The following PRKAR1B variants were observed in gnomAD, a reference collection of about 807,000 sequenced individuals.
The protein encoded by PRKAR1B is cAMP-dependent protein kinase type I-beta regulatory subunit.
A neutral mutation model predicts 46.5 loss-of-function variants in PRKAR1B; 22 were observed. The ratio of observed to expected loss-of-function variants is 0.47; its 90% CI spans 0.34 to 0.68. The LOEUF is 0.68. Among genes scored for constraint, PRKAR1B ranks in the 30% least tolerant of loss-of-function variants. The pLI is 0.01. For synonymous variants in PRKAR1B, 259 were observed against 217.7 expected (o/e 1.19, Z -1.67); for missense variants, 445 against 535.6 (o/e 0.83, Z 1.67).
intron 7 of PRKAR1B, among the ~76,000 whole-genome samples, chr7:592,762 A>C (rs1388733061): frequency 6.6e-6 from 1 of 152,214 alleles, no homozygotes; most frequent in Non-Finnish European, 1.5e-5. Context: ...ACGGTGGCTC[A>C]CACCTCACAC....
chr7:584,801 A>T, intron 7 of PRKAR1B, among the ~76,000 whole-genome samples: 1 of 152,112 alleles, frequency 6.6e-6, no homozygotes, highest in East Asian at 1.9e-4. Context: ...ATGGTTGCTA[A>T]GTGTCCTGGC....
intron 4 of PRKAR1B, chr7:607,753 G>A: frequency 3.4e-6 from 1 of 297,984 alleles, no homozygotes; most frequent in South Asian, 4.5e-5. Context: ...ACTCCATTTA[G>A]AAAAACAAAA....
At chr7:674,895 A>G (rs1421285030) in intron 4 of PRKAR1B, among the ~76,000 whole-genome samples, 2 of 152,228 alleles carry the variant, frequency 1.3e-5, no homozygotes, top group Admixed American at 6.5e-5. Context: ...GTATTTCAGC[A>G]TGATGTGAGT....
intron 4 of PRKAR1B, among the ~76,000 whole-genome samples, chr7:620,746 C>CCA (rs879358943): frequency 3.2e-4 from 49 of 152,098 alleles, no homozygotes; most frequent in African/African-American, 1.2e-3. Flanking sequence ...TCAAATTCAT[C>CCA]TTCTCTCTAC....
intron 4 of PRKAR1B, among the ~76,000 whole-genome samples, chr7:631,385 A>G (rs750448288): frequency 1.4e-4 from 21 of 152,224 alleles, no homozygotes; most frequent in Non-Finnish European, 2.4e-4. Context: ...AGGCCCAGAC[A>G]GGGGTGGTCG....
At chr7:637,432 C>G (rs541307995) in intron 4 of PRKAR1B, among the ~76,000 whole-genome samples, 3 of 151,930 alleles carry the variant, frequency 2.0e-5, no homozygotes, top group Admixed American at 2.0e-4. Context: ...AACAAACAAA[C>G]AAATCATGTT....
At chr7:590,968 C>A (rs1780940967) in intron 7 of PRKAR1B, among the ~76,000 whole-genome samples, 1 of 152,144 alleles carries the variant, frequency 6.6e-6, no homozygotes, top group Non-Finnish European at 1.5e-5. Flanking sequence ...GCGCAATGAC[C>A]CAGCCCAGGC....
chr7:726,888 G>C, intron 1 of PRKAR1B: 1 of 1,332,800 alleles, frequency 7.5e-7, no homozygotes, highest in Non-Finnish European at 9.6e-7. Flanking sequence ...TGCGGCGCGC[G>C]CTGGAGGAGC....
chr7:711,371 G>A lies in PRKAR1B; in HGVS notation c.135C>T (p.Arg45=). The A allele has an allele frequency of 2.5e-6, 4 of 1,614,226 alleles. No individual in the cohort carries two copies. The highest frequency in any genetic ancestry group is 3.4e-6 in the Non-Finnish European group (4 of 1,180,020). The change falls in exon 2 of 11, where the codon CGC becomes CGT. Residue 45 remains arginine (R), a synonymous_variant. Transcript: ENST00000537384. ...AGTGCTCCCGGAGGAACTTCATGGG[G>A]CGTTCGGGCTTGGAGATGCAGAGGT... is the stretch of plus-strand genomic sequence containing the variant. ...IVHLCISKPE[R]PMKFLREHFE...
chr7:595,945 G>C (rs1781246347), intron 7 of PRKAR1B, among the ~76,000 whole-genome samples: 2 of 152,314 alleles, frequency 1.3e-5, no homozygotes, highest in South Asian at 4.1e-4. Flanking sequence ...GACGGTGAAG[G>C]GGCCTCCCCA....
At chr7:672,483 G>A (rs953946992) in intron 4 of PRKAR1B, among the ~76,000 whole-genome samples, 2 of 152,100 alleles carry the variant, frequency 1.3e-5, no homozygotes, top group African/African-American at 4.8e-5. Context: ...CAGGTGCAAA[G>A]CTGTGCTCCA....
intron 1 of PRKAR1B, among the ~76,000 whole-genome samples, chr7:711,983 T>G (rs1242824251): frequency 7.6e-6 from 1 of 132,422 alleles, no homozygotes; most frequent in Non-Finnish European, 1.6e-5. Flanking sequence ...GAGATGAGGG[T>G]GAGACTGTGG....
At chr7:645,178 G>C (rs1784562530) in intron 4 of PRKAR1B, among the ~76,000 whole-genome samples, 2 of 152,152 alleles carry the variant, frequency 1.3e-5, no homozygotes, top group South Asian at 4.1e-4. Flanking sequence ...AGCAGGCACA[G>C]CATGAGAACC....
chr7:726,217 C>A (rs994088294), intron 1 of PRKAR1B, among the ~76,000 whole-genome samples: 2 of 152,264 alleles, frequency 1.3e-5, no homozygotes, highest in Non-Finnish European at 2.9e-5. Flanking sequence ...TAATGACAGG[C>A]TGCACGTGAA....
chr7:597,558 C>T (rs1269023889), intron 6 of PRKAR1B, among the ~76,000 whole-genome samples: 1 of 152,242 alleles, frequency 6.6e-6, no homozygotes, highest in Admixed American at 6.5e-5. Context: ...GACGGCCGTC[C>T]TTCCACGGAG....
At position 670,131 on chromosome 7, in the gene PRKAR1B, G is replaced by A. The variant is rs1006882485; in HGVS notation, c.440+7098C>T. ...GATCCACCCGCCTCGGCCTCCCAAA[G>A]TGCTGGAATTATGGACGTGAGCCAC... On this transcript the variant is annotated intron_variant, in intron 4 of 10. Coordinates refer to ENST00000537384, the MANE Select transcript of PRKAR1B (RefSeq NM_001164760.2). 9.9e-5 allele frequency among the ~76,000 whole-genome samples: 15 copies of A among 151,998 alleles called. No homozygotes were observed. The South Asian group carries it at 1.9e-3, about 19-fold the overall frequency.
intron 7 of PRKAR1B, among the ~76,000 whole-genome samples, chr7:586,310 C>T (rs949944997): frequency 2.6e-5 from 4 of 151,514 alleles, no homozygotes; most frequent in South Asian, 2.1e-4. Context: ...CTCTGTCCCA[C>T]GATGAATAGG....
At chr7:578,991 C>A in intron 9 of PRKAR1B, 1 of 1,309,040 alleles carries the variant, frequency 7.6e-7, no homozygotes, top group African/African-American at 1.5e-5. Context: ...CAGTTTCATG[C>A]AGTTTTATCA....
chr7:607,672 G>C (rs1782178852), intron 4 of PRKAR1B, among the ~76,000 whole-genome samples: 1 of 152,230 alleles, frequency 6.6e-6, no homozygotes, highest in Non-Finnish European at 1.5e-5. Context: ...CCCCATTTCT[G>C]TTCTGTGCAC....
Sources: gnomAD v4.1 joint callset for allele counts (sites outside exome capture counted in the v4.1 genomes callset) on GRCh38, gnomAD v4.1.1 for gene constraint, MANE v1.5 for transcripts, NCBI Gene and HGNC (gene_info 2026-07-23, HGNC 2026-07-21) for gene names.